Variants in PARVG observed in about 807,000 individuals in gnomAD.
PARVG encodes the protein parvin gamma.
Under a neutral mutation model 44.4 loss-of-function variants are expected in PARVG, and 36 were observed. That is an observed-to-expected ratio of 0.81 (90% CI 0.62 to 1.07). PARVG has a LOEUF of 1.07. PARVG is among the 50% of genes least tolerant of loss of function. The pLI is 0.00. For synonymous variants in PARVG, 170 were observed against 174.1 expected (o/e 0.98, Z 0.19); for missense variants, 407 against 407.4 (o/e 1.00, Z 0.01).
chr22:44,188,111 G>A (rs918441798), intron 5 of PARVG: 8 of 578,940 alleles, frequency 1.4e-5, no homozygotes, highest in East Asian at 2.9e-5. Context: ...CAGGGTTGGT[G>A]CTCTTTCTAC....
intron 3 of PARVG, chr22:44,183,959 A>C: frequency 4.4e-6 from 1 of 227,560 alleles, no homozygotes; most frequent in Non-Finnish European, 8.5e-6. Flanking sequence ...TCCCTTTCAA[A>C]AGTGGGGTGA....
chr22:44,204,372 G>C (rs933124679), intron 12 of PARVG, among the ~76,000 whole-genome samples: 32 of 152,236 alleles, frequency 2.1e-4, no homozygotes, highest in African/African-American at 7.7e-4. Context: ...GCACATGGCA[G>C]CCTTGGAGAG....
At chr22:44,184,648 C>G (rs1054951352) in intron 3 of PARVG, 1 of 152,194 alleles carries the variant, frequency 6.6e-6, no homozygotes, top group Admixed American at 6.5e-5. Flanking sequence ...CCCTGAATGC[C>G]GCCTTTTAAG....
In PARVG at chr22:44,189,149, AT is replaced by A. The variant is rs1218591113; in HGVS notation, c.284del (p.Ile95ThrfsTer3). 4 of 1,614,146 alleles carry A rather than the reference AT, an allele frequency of 2.5e-6. No homozygotes were observed. Among genetic ancestry groups the A allele is most frequent in the Non-Finnish European group, 3.4e-6 (4 of 1,180,042 alleles). On this transcript the variant is annotated frameshift_variant, in exon 6 of 14. Coordinates refer to ENST00000444313, the MANE Select transcript of PARVG (RefSeq NM_022141.7). LOFTEE classifies it high-confidence loss of function. ...LAALKLEAED[I>X]ALTATSQKHK... Reference sequence around the variant, plus strand: ...GGCGCTCAAGCTGGAAGCAGAGGACATCGCCCTGACAGCCACAAGCCAGAAG... The same window carrying A: ...GGCGCTCAAGCTGGAAGCAGAGGACACGCCCTGACAGCCACAAGCCAGAAG...
chr22:44,204,427 T>C (rs763248164), intron 12 of PARVG, among the ~76,000 whole-genome samples: 1 of 152,238 alleles, frequency 6.6e-6, no homozygotes, highest in African/African-American at 2.4e-5. Flanking sequence ...ATGAGGCACC[T>C]GAGGCCCAGC....
chr22:44,188,938 CTGGAGGG>C, intron 5 of PARVG, 169 bp from the exon 6 acceptor site: 1 of 682,302 alleles, frequency 1.5e-6, no homozygotes, highest in Non-Finnish European at 2.3e-6. Context: ...CTCCTGGAAG[CTGGAGGG>C]CATACCCGAT....
At chr22:44,187,504 C>A in intron 4 of PARVG, 1 of 528,256 alleles carries the variant, frequency 1.9e-6, no homozygotes, top group Non-Finnish European at 3.4e-6. Flanking sequence ...TATGGTAGTA[C>A]CCCACTTCCT....
chr22:44,205,918 G>T, intron 13 of PARVG, 89 bp downstream of exon 13: 1 of 1,449,176 alleles, frequency 6.9e-7, no homozygotes. Context: ...GGCATTGGGG[G>T]ATGAGCACGC....
rs376328966 is a variant in PARVG at position 44,193,897 on chromosome 22, G to A, written c.583+74G>A. 1.8e-5 allele frequency: 28 copies of A among 1,550,394 alleles called. 1 individual carries two copies. Among genetic ancestry groups the A allele is most frequent in the South Asian group, 1.0e-4 (9 of 86,550 alleles). ...TAATGCAGACAAGTCTTAATGCAGG[G>A]TTAATTGCTGAGCATTCTCTCATTT... On this transcript the variant is annotated intron_variant, in intron 9 of 13. Transcript: ENST00000444313.
intron 8 of PARVG, among the ~76,000 whole-genome samples, chr22:44,192,351 G>A (rs763168156): frequency 3.9e-5 from 6 of 152,212 alleles, no homozygotes; most frequent in African/African-American, 1.4e-4. Context: ...TTCTAGGGTG[G>A]GGGCCCCTGG....
intron 1 of PARVG, chr22:44,173,324 C>T (rs990569359): frequency 2.8e-5 from 21 of 755,154 alleles, no homozygotes; most frequent in Middle Eastern, 5.7e-4. Flanking sequence ...CGTCACTGGG[C>T]CTTGCATGCT....
At position 44,207,369 on chromosome 22, in the gene PARVG, C is replaced by G. The variant is rs9754331; in HGVS notation, c.*943C>G. 1.2e-4 allele frequency: 4 copies of G among 33,812 alleles called. No homozygotes were observed. The highest frequency in any genetic ancestry group is 1.4e-4 in the African/African-American group (1 of 7,168). 2.1% of individuals were successfully genotyped at this position (33,812 alleles called of 1,614,324 possible). A position where few individuals can be genotyped will look rare whatever the true frequency, so the allele number is the denominator to read the frequency against. ...GGTGGGGAGGAGTGAGGCTAGTGGG[C>G]GGGTGAGGCTGGCGGGGAGGGGAGG... is the stretch of plus-strand genomic sequence containing the variant. On this transcript the variant is annotated 3_prime_UTR_variant, in exon 14 of 14. Transcript: ENST00000444313.
intron 12 of PARVG, among the ~76,000 whole-genome samples, chr22:44,202,672 G>C (rs944847198): frequency 6.6e-6 from 1 of 152,264 alleles, no homozygotes; most frequent in Non-Finnish European, 1.5e-5. Flanking sequence ...ATGCTGAAGA[G>C]GTCGTCAGCT....
At chr22:44,198,840 A>C in intron 12 of PARVG, 118 bp downstream of exon 12, 1 of 751,780 alleles carries the variant, frequency 1.3e-6, no homozygotes, top group African/African-American at 1.7e-5. Flanking sequence ...GGGGAAGCTT[A>C]TTTGTCTATA....
upstream of PARVG, among the ~76,000 whole-genome samples, chr22:44,176,384 A>G (rs1349329264): frequency 6.6e-6 from 1 of 152,188 alleles, no homozygotes; most frequent in Non-Finnish European, 1.5e-5. Context: ...AAAATTCTGT[A>G]TGTGTCTGGT....
chr22:44,197,124 G>A (rs1391250962), intron 11 of PARVG, among the ~76,000 whole-genome samples: 1 of 152,190 alleles, frequency 6.6e-6, no homozygotes, highest in African/African-American at 2.4e-5. Flanking sequence ...GCTGGGTGCT[G>A]GGGTCTGGGG....
Position 44,193,868 on chromosome 22 carries a change from G to A in PARVG, c.583+45G>A, listed in dbSNP as rs375209619. ...TTGGAAATCTGTTCCTATCTGATGC[G>A]TGTTAATGCAGACAAGTCTTAATGC... On this transcript the variant is annotated intron_variant, in intron 9 of 13. Coordinates refer to ENST00000444313, the MANE Select transcript of PARVG (RefSeq NM_022141.7). The A allele has an allele frequency of 1.1e-4, 183 of 1,607,482 alleles. 1 individual carries two copies. In the African/African-American group the frequency reaches 2.1e-3, roughly 19 times the overall value.
chr22:44,185,395 G>A (rs1245616572), intron 3 of PARVG: 1 of 166,016 alleles, frequency 6.0e-6, no homozygotes, highest in Non-Finnish European at 1.3e-5. Context: ...GGCCACCCCG[G>A]GGAGTCTGAC....
chr22:44,173,859 TC>T lies in PARVG; in HGVS notation c.-189+672del, dbSNP rs1190077083. Among the ~76,000 whole-genome samples the T allele has an allele frequency of 3.9e-5, 6 of 152,230 alleles. No homozygotes were observed. The East Asian group carries it at 9.7e-4, about 25-fold the overall frequency. On this transcript the variant is annotated intron_variant, in intron 1 of 13. Transcript: ENST00000422871. ...ACAGTGCACGGGACAGGCTCCCTTC[TC>T]CCCAGCAAAGAATCACCGGGCCCCC...
Sources: allele counts gnomAD v4.1 joint callset (sites outside exome capture counted in the v4.1 genomes callset), GRCh38; gene constraint gnomAD v4.1.1; transcripts MANE v1.5; gene names NCBI Gene and HGNC (gene_info 2026-07-23, HGNC 2026-07-21).